The following FHOD3 variants were observed in gnomAD, a reference collection of about 807,000 sequenced individuals.
FHOD3 encodes the protein formin homology 2 domain containing 3.
FHOD3 carries 90 observed loss-of-function variants against 173.0 expected under a neutral mutation model. The ratio of observed to expected loss-of-function variants is 0.52; its 90% CI spans 0.44 to 0.62. The LOEUF (loss-of-function observed/expected upper bound fraction) is 0.62, where lower values mean the gene tolerates loss of function less well. Among genes scored for constraint, FHOD3 ranks in the 20% least tolerant of loss-of-function variants. The pLI is 0.00. For missense variants in FHOD3, 1,945 were observed against 2,034.7 expected, an observed-to-expected ratio of 0.96 and a Z score of 0.85; for synonymous variants, 828 against 823.0, an observed-to-expected ratio of 1.01 and a Z score of -0.10.
chr18:36,425,605 G>A (rs1249044988), intron 3 of FHOD3, among the ~76,000 whole-genome samples: 2 of 152,074 alleles, frequency 1.3e-5, no homozygotes, highest in Non-Finnish European at 2.9e-5. Context: ...CCCCAACAGT[G>A]GCGCTTGACT....
chr18:36,413,793 T>G (rs1385413464), intron 3 of FHOD3, among the ~76,000 whole-genome samples: 2 of 152,340 alleles, frequency 1.3e-5, no homozygotes, highest in Non-Finnish European at 2.9e-5. Context: ...ATTTTAAGTG[T>G]ACATTTCAGT....
intron 3 of FHOD3, among the ~76,000 whole-genome samples, chr18:36,491,351 A>G (rs1456687302): frequency 2.0e-5 from 3 of 152,228 alleles, no homozygotes; most frequent in Non-Finnish European, 4.4e-5. Context: ...ATTTCCCATT[A>G]GTAACATCTT....
intron 5 of FHOD3, 36 bp downstream of exon 5, chr18:36,512,579 C>T: frequency 4.8e-6 from 7 of 1,458,748 alleles, no homozygotes; most frequent in Non-Finnish European, 6.7e-6. Context: ...GCTGCCCCAG[C>T]TGCAGGGGGG....
intron 3 of FHOD3, among the ~76,000 whole-genome samples, chr18:36,417,680 C>T (rs1447022390): frequency 6.6e-6 from 1 of 152,196 alleles, no homozygotes; most frequent in Admixed American, 6.5e-5. Context: ...TCTATAATCA[C>T]ACACTTTGTT....
chr18:36,742,634 C>T, intron 21 of FHOD3, 103 bp from the exon 22 acceptor site: 1 of 1,290,264 alleles, frequency 7.8e-7, no homozygotes, highest in Admixed American at 2.1e-5. Context: ...TTGCCTTGTG[C>T]TGGGGAGAAC....
At chr18:36,622,547 A>T (rs1340213172) in intron 9 of FHOD3, among the ~76,000 whole-genome samples, 3 of 152,192 alleles carry the variant, frequency 2.0e-5, no homozygotes, top group African/African-American at 7.2e-5. Context: ...AGCGTTCTAC[A>T]TTTAATTAAA....
intron 3 of FHOD3, among the ~76,000 whole-genome samples, chr18:36,460,503 C>T (rs1390666012): frequency 1.3e-5 from 2 of 152,152 alleles, no homozygotes; most frequent in Non-Finnish European, 2.9e-5. Flanking sequence ...CCCGGAGGTC[C>T]TTTTTCCAGG....
rs1237291913 is a variant in FHOD3 at position 36,742,826 on chromosome 18, A to G, written c.3849A>G (p.Leu1283=). ...KTLGFILSTL[L]AIGNFLNGTN... ...TGGGCTTTATCCTGTCTACTCTCTT[A>G]GCCATTGGGAACTTTCTAAATGGAA... The change falls in exon 22 of 29, where the codon TTA becomes TTG. Residue 1283 remains leucine (L), a synonymous_variant. Transcript: ENST00000590592. The G allele has an allele frequency of 5.0e-6, 8 of 1,613,830 alleles. No individual in the cohort carries two copies. In the East Asian group the frequency reaches 1.8e-4, roughly 36 times the overall value.
intron 6 of FHOD3, among the ~76,000 whole-genome samples, chr18:36,581,028 G>A (rs1459719195): frequency 6.6e-6 from 1 of 152,222 alleles, no homozygotes; most frequent in African/African-American, 2.4e-5. Flanking sequence ...ATGTGATTTT[G>A]CAGCCTGCCA....
At chr18:36,566,447 A>G (rs1203509121) in intron 5 of FHOD3, among the ~76,000 whole-genome samples, 2 of 152,180 alleles carry the variant, frequency 1.3e-5, no homozygotes, top group African/African-American at 4.8e-5. Flanking sequence ...AAGCCTTCAG[A>G]TGGTAGCAAA....
chr18:36,761,556 C>G (rs1306391365), intron 27 of FHOD3, among the ~76,000 whole-genome samples: 1 of 152,136 alleles, frequency 6.6e-6, no homozygotes, highest in Non-Finnish European at 1.5e-5. Context: ...CACCGCGGCG[C>G]TTCTCCGCAC....
intron 3 of FHOD3, among the ~76,000 whole-genome samples, chr18:36,483,324 G>A (rs554098122): frequency 2.0e-5 from 3 of 152,150 alleles, no homozygotes; most frequent in African/African-American, 4.8e-5. Context: ...ACAGATGGAC[G>A]GCAAAGCTCC....
intron 5 of FHOD3, among the ~76,000 whole-genome samples, chr18:36,541,249 C>CAAAAAAAAAAAAAAAAAAA (rs770104487): frequency 3.2e-4 from 13 of 40,196 alleles, no homozygotes; most frequent in East Asian, 8.1e-4. Flanking sequence ...GACTCTGTCT[C>CAAAAAAAAAAAAAAAAAAA]AAAAAAAAAA....
At chr18:36,691,367 G>A (rs931275377) in intron 16 of FHOD3, among the ~76,000 whole-genome samples, 2 of 152,182 alleles carry the variant, frequency 1.3e-5, no homozygotes, top group Non-Finnish European at 2.9e-5. Context: ...TTTCTTGCCT[G>A]CCCCTTTATC....
intron 3 of FHOD3, among the ~76,000 whole-genome samples, chr18:36,482,256 T>G (rs151178065): frequency 6.6e-6 from 1 of 152,206 alleles, no homozygotes; most frequent in East Asian, 1.9e-4. Context: ...AGACAGCACA[T>G]AAGGTAAATC....
intron 3 of FHOD3, among the ~76,000 whole-genome samples, chr18:36,373,608 T>C (rs1038415423): frequency 2.0e-5 from 3 of 152,198 alleles, no homozygotes; most frequent in Non-Finnish European, 4.4e-5. Context: ...GTTGCAAGTG[T>C]CTTGAGTAAC....
intron 5 of FHOD3, among the ~76,000 whole-genome samples, chr18:36,534,495 ATTATTTTATT>A (rs568192668): frequency 2.6e-5 from 4 of 151,124 alleles, no homozygotes; most frequent in South Asian, 2.1e-4. Context: ...TTATTATTTT[ATTATTTTATT>A]TTATTTTATT....
At chr18:36,325,404 G>A (rs1299116617) in intron 1 of FHOD3, among the ~76,000 whole-genome samples, 3 of 152,230 alleles carry the variant, frequency 2.0e-5, no homozygotes, top group African/African-American at 7.2e-5. Context: ...ATCTGGAAGA[G>A]GAGAGGTGAT....
At chr18:36,581,758 G>A (rs1052873757) in intron 6 of FHOD3, among the ~76,000 whole-genome samples, 2 of 152,054 alleles carry the variant, frequency 1.3e-5, no homozygotes, top group African/African-American at 2.4e-5. Flanking sequence ...GAGCCCACCC[G>A]CCAGCCACCC....
Sources: allele counts gnomAD v4.1 joint callset (sites outside exome capture counted in the v4.1 genomes callset), GRCh38; gene constraint gnomAD v4.1.1; transcripts MANE v1.5; gene names NCBI Gene and HGNC (gene_info 2026-07-23, HGNC 2026-07-21).